TNNI3K: variants seen among roughly 807,000 people sequenced by gnomAD.
TNNI3K encodes TNNI3 interacting kinase.
In TNNI3K, 140 loss-of-function variants were observed where a neutral mutation model predicts 114.5. The ratio of observed to expected loss-of-function variants is 1.22; its 90% CI spans 1.07 to 1.41. TNNI3K has a LOEUF of 1.41. Among genes scored for constraint, TNNI3K ranks in the 40% most tolerant of loss-of-function variants. The pLI is 0.00. For missense variants in TNNI3K, 1,125 were observed against 1,007.6 expected, an observed-to-expected ratio of 1.12 and a Z score of -1.58; for synonymous variants, 347 against 347.5, an observed-to-expected ratio of 1.00 and a Z score of 0.02.
chr1:74,299,200 C>T (rs775608881), intron 5 of TNNI3K, among the ~76,000 whole-genome samples: 32 of 151,972 alleles, frequency 2.1e-4, no homozygotes, highest in Non-Finnish European at 3.5e-4. Flanking sequence ...CAGCCTCTAC[C>T]CTGAAGCGTG....
At chr1:74,532,048 C>A (rs1292190452) in intron 23 of TNNI3K, among the ~76,000 whole-genome samples, 3 of 152,176 alleles carry the variant, frequency 2.0e-5, no homozygotes, top group Non-Finnish European at 4.4e-5. Flanking sequence ...TCTTTAATCA[C>A]ACTGATAACC....
At chr1:74,326,373 A>G (rs1041028125) in intron 5 of TNNI3K, among the ~76,000 whole-genome samples, 4 of 152,224 alleles carry the variant, frequency 2.6e-5, no homozygotes, top group African/African-American at 9.6e-5. Context: ...AGAGGGAGCT[A>G]AATGGAACCA....
intron 23 of TNNI3K, among the ~76,000 whole-genome samples, chr1:74,492,873 G>A (rs1669148786): frequency 6.6e-6 from 1 of 152,162 alleles, no homozygotes; most frequent in South Asian, 2.1e-4. Flanking sequence ...TCTGAAAGCT[G>A]GAAGTCCAAG....
At position 74,489,251 on chromosome 1, in the gene TNNI3K, A is replaced by G. The variant is rs201338681; in HGVS notation, c.2181+3A>G. On this transcript the variant is annotated splice_donor_region_variant and intron_variant, in intron 22 of 24. Coordinates refer to ENST00000326637, the MANE Select transcript of TNNI3K (RefSeq NM_015978.3). ...AAGAGTGTCTCTGCAACATTGAGGT[A>G]AAAGCTTTAGCTTCTGAAATATGTC... is the stretch of plus-strand genomic sequence containing the variant. 3.6e-5 allele frequency: 58 copies of G among 1,609,090 alleles called. No homozygotes were observed. Among genetic ancestry groups the G allele is most frequent in the Non-Finnish European group, 4.8e-5 (57 of 1,178,114 alleles).
intron 5 of TNNI3K, among the ~76,000 whole-genome samples, chr1:74,278,721 C>T (rs1656827267): frequency 6.6e-6 from 1 of 152,040 alleles, no homozygotes; most frequent in South Asian, 2.1e-4. Flanking sequence ...ATATTTTTGT[C>T]ACCCAAAAAG....
rs200844425 is a variant in TNNI3K, at chr1:74,540,243, A to T, written c.2361A>T (p.Gln787His). The T allele has an allele frequency of 3.7e-6, 6 of 1,612,294 alleles. No individual in the cohort carries two copies. Among genetic ancestry groups the T allele is most frequent in the Non-Finnish European group, 5.1e-6 (6 of 1,178,962 alleles). ...TTTATTAATTTTCCAGTGCTGGACAATATTCCTCTCAAGGTCTGTCTTTGG... is the reference window on the plus strand; with the variant it reads ...TTTATTAATTTTCCAGTGCTGGACATTATTCCTCTCAAGGTCTGTCTTTGG... Reference protein sequence around the residue: ...SYAALSQSAGQYSSQGLSLEE... With the variant: ...SYAALSQSAGHYSSQGLSLEE... The change falls in exon 24 of 25, where the codon CAA becomes CAT. Residue 787 changes from glutamine to histidine, a missense_variant. Coordinates refer to ENST00000326637, the MANE Select transcript of TNNI3K (RefSeq NM_015978.3).
intron 23 of TNNI3K, among the ~76,000 whole-genome samples, chr1:74,515,288 A>G (rs990829984): frequency 2.6e-5 from 4 of 152,208 alleles, no homozygotes; most frequent in African/African-American, 7.2e-5. Context: ...ATGTTAGGTC[A>G]GTGCCCTTCC....
chr1:74,484,010 G>C (rs1016164287), intron 21 of TNNI3K, among the ~76,000 whole-genome samples: 5 of 151,184 alleles, frequency 3.3e-5, no homozygotes, highest in Non-Finnish European at 7.4e-5. Flanking sequence ...TTTATTTTTT[G>C]CTTTTTCATG....
chr1:74,450,896 G>A (rs1341218696), intron 20 of TNNI3K, among the ~76,000 whole-genome samples: 12 of 152,046 alleles, frequency 7.9e-5, no homozygotes, highest in Admixed American at 7.9e-4. Context: ...CGCATTACTG[G>A]GTATATACCC....
chr1:74,277,832 C>T (rs568727374), intron 5 of TNNI3K, among the ~76,000 whole-genome samples: 62 of 152,220 alleles, frequency 4.1e-4, no homozygotes, highest in African/African-American at 1.4e-3. Flanking sequence ...TGAAGGTGAG[C>T]GTATTATTCA....
intron 21 of TNNI3K, chr1:74,480,118 G>C (rs1287679148): frequency 2.9e-6 from 2 of 685,224 alleles, no homozygotes; most frequent in Non-Finnish European, 5.4e-6. Context: ...GACAAGAGAA[G>C]AGAAAAGAGG....
intron 17 of TNNI3K, chr1:74,373,695 A>C (rs1206188967): frequency 6.6e-6 from 1 of 151,876 alleles, no homozygotes; most frequent in East Asian, 1.9e-4. Flanking sequence ...TATAGCATCC[A>C]ACTTGCCCAA....
At chr1:74,373,545 C>T (rs1662721725) in intron 17 of TNNI3K, 1 of 151,884 alleles carries the variant, frequency 6.6e-6, no homozygotes, top group Admixed American at 6.6e-5. Flanking sequence ...CTTCATCTCA[C>T]ATTTTCTGAA....
At chr1:74,480,411 A>G in intron 21 of TNNI3K, 1 of 717,576 alleles carries the variant, frequency 1.4e-6, no homozygotes, top group Middle Eastern at 2.3e-4. Flanking sequence ...GTGCAGCTCC[A>G]CTGGTTCTTA....
At chr1:74,357,163 T>C (rs1470784452) in intron 11 of TNNI3K, among the ~76,000 whole-genome samples, 2 of 152,102 alleles carry the variant, frequency 1.3e-5, no homozygotes, top group Non-Finnish European at 2.9e-5. Context: ...TATAGCATAC[T>C]AAGGAGTTCC....
chr1:74,465,363 G>A (rs182338108), intron 21 of TNNI3K, among the ~76,000 whole-genome samples: 6 of 152,328 alleles, frequency 3.9e-5, no homozygotes, highest in South Asian at 2.1e-4. Context: ...TGGAGTGGCC[G>A]GTGGGCGCCA....
chr1:74,451,687 C>CTTTTCTT, intron 20 of TNNI3K, among the ~76,000 whole-genome samples: 1 of 26,824 alleles, frequency 3.7e-5, no homozygotes, highest in Admixed American at 7.1e-4. Context: ...CTTTTCTTTT[C>CTTTTCTT]TTTCTTTCTT....
intron 3 of TNNI3K, among the ~76,000 whole-genome samples, chr1:74,250,232 T>C (rs1264720456): frequency 1.3e-5 from 2 of 152,224 alleles, no homozygotes; most frequent in Non-Finnish European, 1.5e-5. Flanking sequence ...CTTAACAGAT[T>C]GTTCTCTCAA....
chr1:74,520,941 A>G (rs1646423795), intron 23 of TNNI3K, among the ~76,000 whole-genome samples: 1 of 152,030 alleles, frequency 6.6e-6, no homozygotes, highest in Non-Finnish European at 1.5e-5. Context: ...ATGGGAGCAG[A>G]GGTGAAGGGA....
Sources: allele counts gnomAD v4.1 joint callset (sites outside exome capture counted in the v4.1 genomes callset), GRCh38; gene constraint gnomAD v4.1.1; transcripts MANE v1.5; gene names NCBI Gene and HGNC (gene_info 2026-07-23, HGNC 2026-07-21).